ASIC2: variants seen among roughly 807,000 people sequenced by gnomAD.
The protein encoded by ASIC2 is acid sensing ion channel subunit 2, also known as acid-sensing ion channel 2.
A neutral mutation model predicts 57.3 loss-of-function variants in ASIC2; 25 were observed. That is an observed-to-expected ratio of 0.44 (90% confidence interval 0.32 to 0.61). The LOEUF (loss-of-function observed/expected upper bound fraction) is 0.61. Among genes scored for constraint, ASIC2 ranks in the 20% least tolerant of loss-of-function variants. ASIC2 has a pLI of 0.06. For synonymous variants in ASIC2, 319 were observed against 307.5 expected (o/e 1.04, Z -0.39); for missense variants, 641 against 738.1 (o/e 0.87, Z 1.52).
At chr17:33,547,392 G>T (rs1232723295) in intron 1 of ASIC2, among the ~76,000 whole-genome samples, 1 of 152,116 alleles carries the variant, frequency 6.6e-6, no homozygotes, top group Non-Finnish European at 1.5e-5. Flanking sequence ...ATCCTTCAAA[G>T]CACTATCCCA....
At chr17:33,086,247 C>T (rs965885793) in intron 3 of ASIC2, among the ~76,000 whole-genome samples, 3 of 152,180 alleles carry the variant, frequency 2.0e-5, no homozygotes, top group Non-Finnish European at 4.4e-5. Context: ...GAACTTCCTC[C>T]TCTCCACCCC....
At chr17:33,317,613 G>A (rs1461459555) in intron 1 of ASIC2, among the ~76,000 whole-genome samples, 1 of 152,064 alleles carries the variant, frequency 6.6e-6, no homozygotes, top group African/African-American at 2.4e-5. Flanking sequence ...GTTTTTCAAG[G>A]CCAGGTACTG....
intron 1 of ASIC2, among the ~76,000 whole-genome samples, chr17:33,820,614 C>G (rs1912714344): frequency 6.6e-6 from 1 of 151,330 alleles, no homozygotes; most frequent in Non-Finnish European, 1.5e-5. Flanking sequence ...GTTTACAAAG[C>G]TAAAGAGTAT....
chr17:33,674,286 C>A (rs532748482), intron 1 of ASIC2, among the ~76,000 whole-genome samples: 1 of 152,162 alleles, frequency 6.6e-6, no homozygotes, highest in Non-Finnish European at 1.5e-5. Flanking sequence ...TCTTTCCCAG[C>A]GTATTACAGT....
intron 1 of ASIC2, among the ~76,000 whole-genome samples, chr17:33,408,011 C>T (rs1214576333): frequency 6.6e-6 from 1 of 152,128 alleles, no homozygotes; most frequent in Non-Finnish European, 1.5e-5. Flanking sequence ...ACCAAGACCA[C>T]ACCAGTTCCA....
chr17:33,336,057 GA>G (rs1211483802), intron 1 of ASIC2, among the ~76,000 whole-genome samples: 17 of 152,286 alleles, frequency 1.1e-4, no homozygotes, highest in African/African-American at 4.1e-4. Context: ...GGCTGGGGCA[GA>G]AGTGGTCTTG....
intron 1 of ASIC2, among the ~76,000 whole-genome samples, chr17:34,125,453 G>A (rs755028330): frequency 1.6e-4 from 24 of 152,144 alleles, no homozygotes; most frequent in Non-Finnish European, 3.1e-4. Flanking sequence ...ACCCACTCTA[G>A]CCAGTGTAAT....
chr17:33,421,641 G>A (rs564837575), intron 1 of ASIC2, among the ~76,000 whole-genome samples: 5 of 152,300 alleles, frequency 3.3e-5, no homozygotes, highest in South Asian at 4.1e-4. Context: ...TCAGAGCAGC[G>A]GAAGGCAAAA....
chr17:34,069,448 C>T (rs1181553293), intron 1 of ASIC2: 1 of 143,650 alleles, frequency 7.0e-6, no homozygotes, highest in African/African-American at 2.6e-5. Context: ...CTTTTTCTTT[C>T]AGAGAGAGAG....
At chr17:33,437,308 T>C (rs1470733435) in intron 1 of ASIC2, among the ~76,000 whole-genome samples, 1 of 152,194 alleles carries the variant, frequency 6.6e-6, no homozygotes, top group East Asian at 1.9e-4. Context: ...CATTTTTAAA[T>C]GGGCAAGACT....
rs1404306772 is a variant in ASIC2, at chr17:34,052,302, C to T, written c.555+103676G>A. Among the ~76,000 whole-genome samples the T allele has an allele frequency of 2.0e-5, 3 of 152,182 alleles. 1 individual carries two copies. The highest frequency in any genetic ancestry group is 4.1e-4 in the South Asian group (2 of 4,830). On this transcript the variant is annotated intron_variant, in intron 1 of 9. Transcript: ENST00000359872. The stretch of plus-strand genomic sequence containing the variant: ...CCCCCACATACGGCATTTAGTGCCA[C>T]CTCTTATCTTCAGTTTGATAGTTTC...
chr17:33,244,499 A>G (rs1231451269), intron 1 of ASIC2, among the ~76,000 whole-genome samples: 1 of 152,216 alleles, frequency 6.6e-6, no homozygotes, highest in African/African-American at 2.4e-5. Flanking sequence ...AACTTTCATG[A>G]TTTCTATTTT....
At chr17:33,737,893 A>T (rs1429640512) in intron 1 of ASIC2, among the ~76,000 whole-genome samples, 1 of 152,182 alleles carries the variant, frequency 6.6e-6, no homozygotes, top group African/African-American at 2.4e-5. Flanking sequence ...ATGGCAAATG[A>T]CCCCAACTCT....
intron 1 of ASIC2, among the ~76,000 whole-genome samples, chr17:33,165,820 T>G (rs1490514087): frequency 6.6e-6 from 1 of 152,218 alleles, no homozygotes; most frequent in Non-Finnish European, 1.5e-5. Context: ...AAGGACTTAC[T>G]GAGGCATTCC....
intron 1 of ASIC2, among the ~76,000 whole-genome samples, chr17:33,148,456 A>G (rs1044249454): frequency 6.6e-6 from 1 of 152,198 alleles, no homozygotes; most frequent in African/African-American, 2.4e-5. Flanking sequence ...GTGCGAGAAG[A>G]AGCACACTTG....
intron 1 of ASIC2, among the ~76,000 whole-genome samples, chr17:33,504,657 A>G (rs948132259): frequency 6.6e-6 from 1 of 152,206 alleles, no homozygotes; most frequent in Admixed American, 6.6e-5. Context: ...TAAAGAGAGT[A>G]TCTTTTTAAT....
At chr17:34,128,077 A>G (rs1344060505) in intron 1 of ASIC2, among the ~76,000 whole-genome samples, 1 of 152,172 alleles carries the variant, frequency 6.6e-6, no homozygotes, top group Non-Finnish European at 1.5e-5. Flanking sequence ...AACACCTTGT[A>G]CAATCTTAAT....
chr17:34,039,920 G>T lies in ASIC2; in HGVS notation c.555+116058C>A, dbSNP rs1016161943. On this transcript the variant is annotated intron_variant, in intron 1 of 9. Transcript: ENST00000359872. ...GCCGCTCCACGCTCCTCCCTGGAGG[G>T]ACCCCGACCCGACCCGGCTGCGGAC... is the stretch of plus-strand genomic sequence containing the variant. 5 of 1,496,182 alleles carry T rather than the reference G, an allele frequency of 3.3e-6. No individual in the cohort carries two copies. In the African/African-American group the frequency reaches 6.9e-5, roughly 21 times the overall value. 92.7% of individuals were successfully genotyped at this position (1,496,182 alleles called of 1,614,324 possible).
chr17:33,165,699 T>C (rs539428673), intron 1 of ASIC2, among the ~76,000 whole-genome samples: 5 of 152,238 alleles, frequency 3.3e-5, no homozygotes, highest in African/African-American at 1.2e-4. Context: ...GTTCCAGAGA[T>C]AGTAACAAGG....
Sources: allele counts gnomAD v4.1 joint callset (sites outside exome capture counted in the v4.1 genomes callset), GRCh38; gene constraint gnomAD v4.1.1; transcripts MANE v1.5; gene names NCBI Gene and HGNC (gene_info 2026-07-23, HGNC 2026-07-21).